Variants in ROR1 observed in about 807,000 individuals in gnomAD.
ROR1 encodes the protein ROR family WNT receptor 1.
A neutral mutation model predicts 78.8 loss-of-function variants in ROR1; 19 were observed. That is an observed-to-expected ratio of 0.24 (90% CI 0.17 to 0.35). The LOEUF (loss-of-function observed/expected upper bound fraction) is 0.35. Ranked by LOEUF, ROR1 falls within the 10% of genes least tolerant of loss-of-function variation. The probability of loss-of-function intolerance (pLI) is 1.00; values close to 1 mark genes in which losing one functional copy is unlikely to be tolerated. For missense variants in ROR1, 917 were observed against 1,177.8 expected, an observed-to-expected ratio of 0.78 and a Z score of 3.24; for synonymous variants, 386 against 433.6, an observed-to-expected ratio of 0.89 and a Z score of 1.36.
At chr1:63,955,880 T>A (rs1035941884) in intron 1 of ROR1, among the ~76,000 whole-genome samples, 4 of 152,104 alleles carry the variant, frequency 2.6e-5, no homozygotes, top group African/African-American at 9.7e-5. Context: ...GAGCCTAGTT[T>A]TGAAGGCCAT....
intron 8 of ROR1, among the ~76,000 whole-genome samples, chr1:64,172,990 A>G (rs1435157594): frequency 6.6e-6 from 1 of 152,182 alleles, no homozygotes; most frequent in East Asian, 1.9e-4. Context: ...CTGCTTCTTT[A>G]AGGGTTTTTA....
intron 1 of ROR1, among the ~76,000 whole-genome samples, chr1:63,848,220 T>C (rs1645093334): frequency 6.6e-6 from 1 of 152,238 alleles, no homozygotes; most frequent in South Asian, 2.1e-4. Context: ...ATTTCTGACT[T>C]GGTGTGGCCA....
At chr1:64,167,797 A>G (rs888688650) in intron 8 of ROR1, among the ~76,000 whole-genome samples, 13 of 152,226 alleles carry the variant, frequency 8.5e-5, no homozygotes, top group Non-Finnish European at 1.6e-4. Context: ...TCAACTAGCT[A>G]GCAGAGACAA....
chr1:64,066,806 C>A (rs1029838624), intron 4 of ROR1: 2 of 151,868 alleles, frequency 1.3e-5, no homozygotes, highest in Non-Finnish European at 2.9e-5. Context: ...TTTATTTAAC[C>A]CAACATATCC....
chr1:63,950,841 T>C (rs1174893571), intron 1 of ROR1, among the ~76,000 whole-genome samples: 1 of 152,178 alleles, frequency 6.6e-6, no homozygotes. Flanking sequence ...TAAACTATTT[T>C]GATACCACAG....
At chr1:64,067,319 C>T (rs1569669797) in intron 4 of ROR1, among the ~76,000 whole-genome samples, 2 of 151,404 alleles carry the variant, frequency 1.3e-5, no homozygotes, top group African/African-American at 4.9e-5. Context: ...TGTACTCCAG[C>T]CTGGGCAACA....
At chr1:63,782,012 A>G (rs1644654394) in intron 1 of ROR1, among the ~76,000 whole-genome samples, 1 of 152,174 alleles carries the variant, frequency 6.6e-6, no homozygotes, top group African/African-American at 2.4e-5. Flanking sequence ...CTCATCATGA[A>G]CTATAGCGCT....
chr1:64,033,118 G>A (rs777220880), intron 2 of ROR1, among the ~76,000 whole-genome samples: 22 of 152,074 alleles, frequency 1.4e-4, no homozygotes, highest in Non-Finnish European at 2.2e-4. Context: ...AAAATTGTAC[G>A]TTTTGTCACG....
intron 7 of ROR1, among the ~76,000 whole-genome samples, chr1:64,145,478 T>C (rs1649449088): frequency 6.6e-6 from 1 of 152,220 alleles, no homozygotes; most frequent in African/African-American, 2.4e-5. Context: ...ACAACAAATT[T>C]TAGAAAGATC....
intron 1 of ROR1, among the ~76,000 whole-genome samples, chr1:63,834,560 A>G (rs1645008614): frequency 6.6e-6 from 1 of 152,140 alleles, no homozygotes; most frequent in Non-Finnish European, 1.5e-5. Context: ...TTGACAATTA[A>G]TGTTATCTCT....
At chr1:63,787,026 A>G (rs1644692575) in intron 1 of ROR1, among the ~76,000 whole-genome samples, 1 of 152,190 alleles carries the variant, frequency 6.6e-6, no homozygotes. Flanking sequence ...TAATGAATTG[A>G]TCCAAATGTC....
At chr1:64,054,199 C>G (rs1344765150) in intron 4 of ROR1, among the ~76,000 whole-genome samples, 1 of 152,208 alleles carries the variant, frequency 6.6e-6, no homozygotes, top group African/African-American at 2.4e-5. Flanking sequence ...AGCAACCCAC[C>G]TACCTTGGCC....
chr1:64,064,209 T>G (rs2100609032), intron 4 of ROR1, among the ~76,000 whole-genome samples: 2 of 152,182 alleles, frequency 1.3e-5, no homozygotes, highest in Middle Eastern at 6.8e-3. Flanking sequence ...ACACTTAGGT[T>G]GGAGGGAAAA....
At chr1:64,065,934 G>T (rs143186015) in intron 4 of ROR1, among the ~76,000 whole-genome samples, 2 of 152,166 alleles carry the variant, frequency 1.3e-5, no homozygotes, top group Non-Finnish European at 1.5e-5. Context: ...CTTTCAACCC[G>T]CTTGGCCTTG....
intron 1 of ROR1, among the ~76,000 whole-genome samples, chr1:63,808,057 C>T (rs1644839712): frequency 6.6e-6 from 1 of 152,184 alleles, no homozygotes; most frequent in South Asian, 2.1e-4. Flanking sequence ...CTTCCTCCAA[C>T]TCCTACTCTC....
intron 1 of ROR1, among the ~76,000 whole-genome samples, chr1:63,992,100 C>G (rs920282924): frequency 6.6e-6 from 1 of 151,860 alleles, no homozygotes; most frequent in Non-Finnish European, 1.5e-5. Flanking sequence ...ACCCGACAAC[C>G]CTTGTATATG....
At chr1:63,953,858 A>T (rs991580735) in intron 1 of ROR1, among the ~76,000 whole-genome samples, 9 of 152,220 alleles carry the variant, frequency 5.9e-5, no homozygotes, top group African/African-American at 2.2e-4. Flanking sequence ...AGATAATATG[A>T]AGGTCTTCAG....
chr1:63,912,920 G>A lies in ROR1; in HGVS notation c.92-96385G>A, dbSNP rs148424088. Among the ~76,000 whole-genome samples, 794 of 152,236 alleles carry A rather than the reference G, an allele frequency of 5.2e-3. 11 individuals carry two copies. Among genetic ancestry groups the A allele is most frequent in the African/African-American group, 0.018 (764 of 41,532 alleles). ...ATTAACTTTGGGTGTGAGGAGAAGC[G>A]CTTCAGATAAGAAATGGGCAAACTT... On this transcript the variant is annotated intron_variant, in intron 1 of 8. Transcript: ENST00000371079.
At chr1:64,031,271 C>T (rs1162963898) in intron 2 of ROR1, among the ~76,000 whole-genome samples, 1 of 152,158 alleles carries the variant, frequency 6.6e-6, no homozygotes, top group Non-Finnish European at 1.5e-5. Context: ...TATTTTTCAA[C>T]CAAAGGCTAC....
Sources: gnomAD v4.1 joint callset for allele counts (sites outside exome capture counted in the v4.1 genomes callset) on GRCh38, gnomAD v4.1.1 for gene constraint, MANE v1.5 for transcripts, NCBI Gene and HGNC (gene_info 2026-07-23, HGNC 2026-07-21) for gene names.